The following ADIPOR2 variants were observed in gnomAD, a reference collection of about 807,000 sequenced individuals.
ADIPOR2 encodes adiponectin receptor 2, also known as adiponectin receptor protein 2.
ADIPOR2 carries 18 observed loss-of-function variants against 40.9 expected under a neutral mutation model. The observed-to-expected ratio is 0.44, with a 90% confidence interval of 0.30 to 0.65. The LOEUF (loss-of-function observed/expected upper bound fraction) is 0.65, where lower values mean the gene tolerates loss of function less well. Among genes scored for constraint, ADIPOR2 ranks in the 30% least tolerant of loss-of-function variants. The probability of loss-of-function intolerance (pLI) is 0.09; values close to 1 mark genes in which losing one functional copy is unlikely to be tolerated. For synonymous variants in ADIPOR2, 165 were observed against 166.4 expected (o/e 0.99, Z 0.06); for missense variants, 283 against 479.2 (o/e 0.59, Z 3.82).
chr12:1,747,415 G>A (rs899220730), intron 1 of ADIPOR2, among the ~76,000 whole-genome samples: 1 of 152,070 alleles, frequency 6.6e-6, no homozygotes, highest in Non-Finnish European at 1.5e-5. Flanking sequence ...CCAAAACTTA[G>A]GGGTTGCAAT....
At chr12:1,694,346 T>C (rs1348301140) in intron 1 of ADIPOR2, among the ~76,000 whole-genome samples, 1 of 152,264 alleles carries the variant, frequency 6.6e-6, no homozygotes, top group Non-Finnish European at 1.5e-5. Flanking sequence ...CTGTAGGGAC[T>C]GCTTCTAGGA....
chr12:1,750,403 TA>T (rs35910957), intron 1 of ADIPOR2, among the ~76,000 whole-genome samples: 72,598 of 135,324 alleles, frequency 0.54, 19,146 homozygotes, highest in African/African-American at 0.65. Flanking sequence ...TACAAGAAAT[TA>T]AAAAAAAAAA....
chr12:1,759,613 A>G (rs1592617955), intron 2 of ADIPOR2, among the ~76,000 whole-genome samples: 1 of 152,208 alleles, frequency 6.6e-6, no homozygotes, highest in East Asian at 1.9e-4. Context: ...CTGATCACAT[A>G]TTGCCCTTTA....
intron 6 of ADIPOR2, among the ~76,000 whole-genome samples, chr12:1,782,976 CTTTTTTTTTT>C (rs71055199): frequency 0.17 from 19,279 of 110,204 alleles, 1,527 homozygotes; most frequent in African/African-American, 0.27. Context: ...TTCTTTCTTT[CTTTTTTTTTT>C]TTTTTTTTTT....
intron 1 of ADIPOR2, among the ~76,000 whole-genome samples, chr12:1,708,814 G>T (rs1198107471): frequency 1.3e-5 from 2 of 151,850 alleles, no homozygotes; most frequent in Non-Finnish European, 2.9e-5. Flanking sequence ...CCGCCTCCCA[G>T]GTTCAAGTGA....
At chr12:1,738,929 G>A (rs1387777382) in intron 1 of ADIPOR2, among the ~76,000 whole-genome samples, 2 of 152,098 alleles carry the variant, frequency 1.3e-5, no homozygotes, top group Admixed American at 6.6e-5. Flanking sequence ...CGTATTTGGG[G>A]AGATTATTTG....
chr12:1,693,269 G>A (rs1172868802), intron 1 of ADIPOR2, among the ~76,000 whole-genome samples: 1 of 146,314 alleles, frequency 6.8e-6, no homozygotes, highest in Admixed American at 6.8e-5. Flanking sequence ...TTGTGCCAGA[G>A]AGCCATGTGG....
chr12:1,781,065 G>C lies in ADIPOR2; in HGVS notation c.827G>C (p.Gly276Ala). 1 of 1,602,892 alleles carries C rather than the reference G, an allele frequency of 6.2e-7. No individual in the cohort carries two copies. Among genetic ancestry groups the C allele is most frequent in the Non-Finnish European group, 8.5e-7 (1 of 1,175,784 alleles). Residue 276 changes from glycine (G) to alanine (A), a missense_variant, in exon 6 of 8, where the codon GGA becomes GCA. Physicochemically the swap from Gly to Ala is moderately conservative, Grantham distance 60. Coordinates refer to ENST00000357103, the MANE Select transcript of ADIPOR2 (RefSeq NM_024551.3). ...ATGTTTGCCACCCCTCAGTATCGGG[G>C]AGTAAGAGCAGGTAAGAGCACGGGG... ...WDMFATPQYR[G>A]VRAGVFLGLG...
chr12:1,720,118 A>C (rs1480888443), intron 1 of ADIPOR2, among the ~76,000 whole-genome samples: 3 of 152,236 alleles, frequency 2.0e-5, no homozygotes, highest in Non-Finnish European at 4.4e-5. Flanking sequence ...GACATATGCT[A>C]TATCAGAAAC....
chr12:1,708,472 C>G (rs924066529), intron 1 of ADIPOR2, among the ~76,000 whole-genome samples: 1 of 152,070 alleles, frequency 6.6e-6, no homozygotes, highest in African/African-American at 2.4e-5. Flanking sequence ...AGATTTTCAC[C>G]TGTGTTTATT....
intron 1 of ADIPOR2, among the ~76,000 whole-genome samples, chr12:1,738,399 G>A (rs1403597488): frequency 1.3e-5 from 2 of 151,920 alleles, no homozygotes; most frequent in Non-Finnish European, 2.9e-5. Flanking sequence ...ATTTTTAGTA[G>A]TTTCTGTGTT....
intron 1 of ADIPOR2, among the ~76,000 whole-genome samples, chr12:1,693,876 G>T (rs1233933561): frequency 1.3e-5 from 2 of 152,044 alleles, no homozygotes; most frequent in African/African-American, 2.4e-5. Flanking sequence ...TTTGTATTTG[G>T]ATTTTGATTG....
chr12:1,723,501 G>A (rs959177098), intron 1 of ADIPOR2, among the ~76,000 whole-genome samples: 1 of 150,882 alleles, frequency 6.6e-6, no homozygotes, highest in African/African-American at 2.5e-5. Context: ...GCCAGGCGTG[G>A]TGGTGGGTGC....
chr12:1,788,657 A>G lies in ADIPOR2; in HGVS notation c.*2585A>G, dbSNP rs928574818. On this transcript the variant is annotated 3_prime_UTR_variant, in exon 8 of 8. Coordinates refer to ENST00000357103, the MANE Select transcript of ADIPOR2 (RefSeq NM_024551.3). ...ACTTGCTGTATTCTCAGTTTCTAATAAAAAGAACCAAATGAAATATGACCT... is the reference window on the plus strand; with the variant it reads ...ACTTGCTGTATTCTCAGTTTCTAATGAAAAGAACCAAATGAAATATGACCT... The G allele has an allele frequency of 6.6e-6, 1 of 152,586 alleles. No individual in the cohort carries two copies. Among genetic ancestry groups the G allele is most frequent in the Non-Finnish European group, 1.5e-5 (1 of 68,046 alleles). 9.5% of individuals were successfully genotyped at this position (152,586 alleles called of 1,614,324 possible).
intron 1 of ADIPOR2, among the ~76,000 whole-genome samples, chr12:1,716,993 A>T (rs746545767): frequency 1.3e-5 from 2 of 152,358 alleles, no homozygotes; most frequent in African/African-American, 2.4e-5. Flanking sequence ...AACCTTAATA[A>T]GCAGGCAATA....
chr12:1,763,998 A>G (rs1447523016), intron 2 of ADIPOR2, among the ~76,000 whole-genome samples: 1 of 152,164 alleles, frequency 6.6e-6, no homozygotes, highest in Non-Finnish European at 1.5e-5. Flanking sequence ...AATTACACAT[A>G]TAATGTATAT....
intron 1 of ADIPOR2, among the ~76,000 whole-genome samples, chr12:1,708,511 A>G (rs2154441662): frequency 1.3e-5 from 2 of 152,308 alleles, no homozygotes; most frequent in Middle Eastern, 3.4e-3. Flanking sequence ...TAGACATTAC[A>G]TTTAAGCCTA....
At chr12:1,767,726 A>G (rs1267145309) in intron 2 of ADIPOR2, among the ~76,000 whole-genome samples, 1 of 152,188 alleles carries the variant, frequency 6.6e-6, no homozygotes, top group African/African-American at 2.4e-5. Context: ...TCAGAAAGAA[A>G]GTATTGGATA....
intron 1 of ADIPOR2, among the ~76,000 whole-genome samples, chr12:1,738,238 AG>A (rs773896650): frequency 2.0e-5 from 3 of 148,634 alleles, no homozygotes; most frequent in Non-Finnish European, 4.5e-5. Context: ...AAAGTTAACC[AG>A]GCATGGTGGT....
Sources: allele counts gnomAD v4.1 joint callset (sites outside exome capture counted in the v4.1 genomes callset), GRCh38; gene constraint gnomAD v4.1.1; transcripts MANE v1.5; gene names NCBI Gene and HGNC (gene_info 2026-07-23, HGNC 2026-07-21).